Variants in FBP2 observed in about 807,000 individuals in gnomAD.
FBP2 encodes fructose-1,6-bisphosphatase isozyme 2.
FBP2 carries 27 observed loss-of-function variants against 31.6 expected under a neutral mutation model. The ratio of observed to expected loss-of-function variants is 0.85; its 90% CI spans 0.63 to 1.18. The LOEUF (loss-of-function observed/expected upper bound fraction) is 1.18, where lower values mean the gene tolerates loss of function less well. FBP2 is among the 50% of genes most tolerant of loss of function. FBP2 has a pLI of 0.00. For missense variants in FBP2, 421 were observed against 436.1 expected (o/e 0.97, Z 0.31); for synonymous variants, 168 against 179.8 (o/e 0.93, Z 0.53).
At chr9:94,566,330 G>T (rs1304403765) in intron 5 of FBP2, among the ~76,000 whole-genome samples, 2 of 152,244 alleles carry the variant, frequency 1.3e-5, no homozygotes, top group African/African-American at 2.4e-5. Context: ...TGAGGGCAAG[G>T]AACACCTGGC....
In FBP2 at chr9:94,567,227, G is replaced by T. The variant is rs754191275; in HGVS notation, c.705+43C>A. On this transcript the variant is annotated intron_variant, in intron 5 of 6. Transcript: ENST00000375337. ...CCACCACCCAAACAGGACCCCATGG[G>T]GACAGCATTCTGTCTGCCACCCACC... 3.1e-6 allele frequency: 5 copies of T among 1,610,244 alleles called. No homozygotes were observed. In the Admixed American group the frequency reaches 8.3e-5, roughly 27 times the overall value.
intron 3 of FBP2, among the ~76,000 whole-genome samples, chr9:94,582,614 C>CTTGGCTCACTA (rs1200266415): frequency 6.8e-6 from 1 of 147,526 alleles, no homozygotes; most frequent in Non-Finnish European, 1.5e-5. Flanking sequence ...GTGGCGCGAT[C>CTTGGCTCACTA]TTGGCTCACT....
chr9:94,576,305 T>C (rs1225857392), intron 3 of FBP2, among the ~76,000 whole-genome samples: 1 of 152,222 alleles, frequency 6.6e-6, no homozygotes, highest in African/African-American at 2.4e-5. Context: ...AGTGGTTGCT[T>C]TGATGGGAAT....
intron 3 of FBP2, among the ~76,000 whole-genome samples, chr9:94,573,982 G>A (rs1827293562): frequency 6.6e-6 from 1 of 152,162 alleles, no homozygotes; most frequent in Admixed American, 6.5e-5. Flanking sequence ...ATTGAGCCCT[G>A]TAGATAGCCA....
intron 3 of FBP2, among the ~76,000 whole-genome samples, chr9:94,580,014 A>G (rs983605301): frequency 6.6e-6 from 1 of 152,246 alleles, no homozygotes; most frequent in Non-Finnish European, 1.5e-5. Context: ...ATACACTCAC[A>G]GTTTGACTTC....
chr9:94,581,301 A>G (rs1827370330), intron 3 of FBP2, among the ~76,000 whole-genome samples: 1 of 152,206 alleles, frequency 6.6e-6, no homozygotes, highest in Admixed American at 6.5e-5. Context: ...CAGGACGGAC[A>G]CAGAGAGGCT....
Position 94,559,164 on chromosome 9 carries a change from C to G in FBP2, c.826-32G>C, listed in dbSNP as rs367695419. The G allele has an allele frequency of 1.2e-4, 192 of 1,588,126 alleles. No homozygotes were observed. In the African/African-American group the frequency reaches 2.4e-3, roughly 20 times the overall value. On this transcript the variant is annotated intron_variant, in intron 6 of 6. Coordinates refer to ENST00000375337, the MANE Select transcript of FBP2 (RefSeq NM_003837.4). ...AGGAACAGAGGCAGGTGAGTAAACT[C>G]TGCAAGTGGCCAAATGTCCCGAGCC... is the stretch of plus-strand genomic sequence containing the variant.
intron 6 of FBP2, among the ~76,000 whole-genome samples, chr9:94,561,905 G>A (rs1398647080): frequency 1.3e-5 from 2 of 152,174 alleles, no homozygotes; most frequent in Non-Finnish European, 2.9e-5. Flanking sequence ...ATGAGTATGT[G>A]ATCCCATGTG....
chr9:94,571,819 G>A (rs914284983), intron 3 of FBP2, among the ~76,000 whole-genome samples: 1 of 152,188 alleles, frequency 6.6e-6, no homozygotes, highest in Non-Finnish European at 1.5e-5. Flanking sequence ...CTTCCTTCCT[G>A]TTTTCCAAAC....
rs755826188 is a variant in FBP2 at position 94,558,936 on chromosome 9, C to T, written c.*2G>A. ...AGAAGAGGGCATGTGGGGTCAAACTCGCTAGCTGCCTGCCTGATTTTTCTG... is the reference window on the plus strand; with the variant it reads ...AGAAGAGGGCATGTGGGGTCAAACTTGCTAGCTGCCTGCCTGATTTTTCTG... On this transcript the variant is annotated 3_prime_UTR_variant, in exon 7 of 7. Coordinates refer to ENST00000375337, the MANE Select transcript of FBP2 (RefSeq NM_003837.4). The T allele has an allele frequency of 7.4e-6, 12 of 1,613,934 alleles. No homozygotes were observed. The highest frequency in any genetic ancestry group is 9.3e-6 in the Non-Finnish European group (11 of 1,179,998).
chr9:94,567,872 T>C lies in FBP2; in HGVS notation c.568-465A>G, dbSNP rs180826417. ...GGCTGGGCGCAGTGGCTTATGCATG[T>C]AATCCCAGCACTTTGGGAGGCCGAG... On this transcript the variant is annotated intron_variant, in intron 4 of 6. Transcript: ENST00000375337. 1,514 of 154,300 alleles carry C rather than the reference T, an allele frequency of 9.8e-3. 8 individuals are homozygous for C. Among genetic ancestry groups the C allele is most frequent in the Non-Finnish European group, 0.016 (1,092 of 69,282 alleles). 9.6% of individuals were successfully genotyped at this position (154,300 alleles called of 1,614,324 possible).
chr9:94,591,129 T>C (rs376268000), intron 1 of FBP2, among the ~76,000 whole-genome samples: 3,552 of 152,204 alleles, frequency 0.023, 119 homozygotes, highest in African/African-American at 0.074. Context: ...CTGCCAGTCC[T>C]GCGCCGTGCG....
intron 5 of FBP2, among the ~76,000 whole-genome samples, chr9:94,566,784 G>A (rs1372167887): frequency 6.6e-6 from 1 of 152,210 alleles, no homozygotes; most frequent in South Asian, 2.1e-4. Context: ...TAAAGGGTTG[G>A]TATGAAGCCT....
intron 4 of FBP2, chr9:94,570,700 A>G (rs896901118): frequency 6.6e-6 from 1 of 152,214 alleles, no homozygotes; most frequent in African/African-American, 2.4e-5. Context: ...ATGGGCATAC[A>G]GGTGAAAAGA....
intron 6 of FBP2, among the ~76,000 whole-genome samples, chr9:94,560,924 T>C (rs921125143): frequency 6.6e-6 from 1 of 151,950 alleles, no homozygotes; most frequent in African/African-American, 2.4e-5. Context: ...GCCCTCACCC[T>C]AGACCTCTGG....
chr9:94,593,812 A>AT lies in FBP2; in HGVS notation c.-87dup. 1.4e-6 allele frequency: 2 copies of AT among 1,467,074 alleles called. No individual in the cohort carries two copies. The highest frequency in any genetic ancestry group is 1.3e-5 in the South Asian group (1 of 77,980). The allele number at this position is 1,467,074 out of a possible 1,614,324, so 90.9% of individuals were successfully genotyped here. On this transcript the variant is annotated 5_prime_UTR_variant, in exon 1 of 7. Coordinates refer to ENST00000375337, the MANE Select transcript of FBP2 (RefSeq NM_003837.4). ...CTGCAGCTCCGCAGTGTGGAAGCCGATAAGAAATCTGTGCTGGCCCTGCCA... is the reference window on the plus strand; with the variant it reads ...CTGCAGCTCCGCAGTGTGGAAGCCGATTAAGAAATCTGTGCTGGCCCTGCCA...
At chr9:94,561,772 G>A (rs1041017722) in intron 6 of FBP2, among the ~76,000 whole-genome samples, 4 of 152,106 alleles carry the variant, frequency 2.6e-5, no homozygotes, top group African/African-American at 4.8e-5. Flanking sequence ...ACAGAGAGAC[G>A]TCGGCACAGG....
Position 94,563,432 on chromosome 9 carries a change from A to G in FBP2, c.735T>C (p.Tyr245=). ...GCACGTCAGCCACCATGGAGCCCACATACCTGGCCCCATAGGGAGCACTGC... is the reference window on the plus strand; with the variant it reads ...GCACGTCAGCCACCATGGAGCCCACGTACCTGGCCCCATAGGGAGCACTGC... ...EDGSAPYGAR[Y]VGSMVADVHR... Residue 245 remains tyrosine, a synonymous_variant, in exon 6 of 7, where the codon TAT becomes TAC. Transcript: ENST00000375337. 2 of 1,613,982 alleles carry G rather than the reference A, an allele frequency of 1.2e-6. No individual in the cohort carries two copies. The highest frequency in any genetic ancestry group is 2.2e-5 in the East Asian group (1 of 44,874).
intron 1 of FBP2, among the ~76,000 whole-genome samples, chr9:94,589,161 G>T (rs554066150): frequency 6.6e-6 from 1 of 151,898 alleles, no homozygotes. Context: ...GAGGGAAGCC[G>T]TATCCTTCAT....
Sources: allele counts gnomAD v4.1 joint callset (sites outside exome capture counted in the v4.1 genomes callset), GRCh38; gene constraint gnomAD v4.1.1; transcripts MANE v1.5; gene names NCBI Gene and HGNC (gene_info 2026-07-23, HGNC 2026-07-21).